The following ZNF618 variants were observed in gnomAD, a reference collection of about 807,000 sequenced individuals.
ZNF618 encodes zinc finger protein 618.
A neutral mutation model predicts 103.0 loss-of-function variants in ZNF618; 34 were observed. That is an observed-to-expected ratio of 0.33 (90% CI 0.25 to 0.44). The LOEUF (loss-of-function observed/expected upper bound fraction) is 0.44. Ranked by LOEUF, ZNF618 falls within the 20% of genes least tolerant of loss-of-function variation. The pLI is 1.00. For synonymous variants in ZNF618, 551 were observed against 542.2 expected (o/e 1.02, Z -0.23); for missense variants, 1,059 against 1,295.4 (o/e 0.82, Z 2.80).
intron 1 of ZNF618, among the ~76,000 whole-genome samples, chr9:113,877,070 A>T (rs1828024778): frequency 6.6e-6 from 1 of 151,882 alleles, no homozygotes; most frequent in African/African-American, 2.4e-5. Context: ...GGGGTAAGAG[A>T]TTCTTTTTTT....
intron 10 of ZNF618, among the ~76,000 whole-genome samples, chr9:114,024,602 G>C (rs1475252769): frequency 6.6e-6 from 1 of 152,206 alleles, no homozygotes; most frequent in East Asian, 1.9e-4. Context: ...CTAAGGCATG[G>C]CCTTTCTGGC....
chr9:113,951,442 C>CATATACGTGTATATATACAT (rs1835643757), intron 1 of ZNF618, among the ~76,000 whole-genome samples: 1 of 49,256 alleles, frequency 2.0e-5, no homozygotes, highest in Non-Finnish European at 4.0e-5. Context: ...TATATATATA[C>CATATACGTGTATATATACAT]ATATATGTGT....
In ZNF618 at chr9:114,028,866, C is replaced by T. The variant is rs753667577; in HGVS notation, c.978C>T (p.Ala326=). 8.4e-6 allele frequency: 13 copies of T among 1,550,624 alleles called. No individual in the cohort carries two copies. In the South Asian group the frequency reaches 1.5e-4, roughly 18 times the overall value. The change falls in exon 11 of 15, where the codon GCC becomes GCT. Residue 326 remains alanine (A), a synonymous_variant. Coordinates refer to ENST00000374126, the MANE Select transcript of ZNF618 (RefSeq NM_001318042.2). Reference sequence around the variant, plus strand: ...ACCAGTCGGGGAAAAAAGCTCCGGCCTCCGTGGTCCGATGTGCCACCCTCT... The same window carrying T: ...ACCAGTCGGGGAAAAAAGCTCCGGCTTCCGTGGTCCGATGTGCCACCCTCT... ...QTNQSGKKAP[A]SVVRCATLLH... is the part of the protein sequence containing the mutation.
intron 1 of ZNF618, among the ~76,000 whole-genome samples, chr9:113,953,118 T>C (rs1030270365): frequency 2.0e-5 from 3 of 152,196 alleles, no homozygotes; most frequent in African/African-American, 4.8e-5. Context: ...AAGATGACTT[T>C]CCCCAAGAGC....
intron 1 of ZNF618, among the ~76,000 whole-genome samples, chr9:113,937,946 T>C (rs1336988103): frequency 6.6e-6 from 1 of 152,156 alleles, no homozygotes; most frequent in African/African-American, 2.4e-5. Flanking sequence ...AAAAAGTGTT[T>C]CAGATTTGTA....
At chr9:113,995,301 TTC>T (rs1186640437) in intron 3 of ZNF618, among the ~76,000 whole-genome samples, 1 of 152,160 alleles carries the variant, frequency 6.6e-6, no homozygotes, top group African/African-American at 2.4e-5. Flanking sequence ...CATTTTTTTT[TTC>T]CAGATTGAGT....
At chr9:114,033,884 C>G (rs1844336734) in intron 12 of ZNF618, among the ~76,000 whole-genome samples, 1 of 152,222 alleles carries the variant, frequency 6.6e-6, no homozygotes, top group Admixed American at 6.5e-5. Flanking sequence ...GAACACATCA[C>G]AACTGTCGGG....
intron 1 of ZNF618, among the ~76,000 whole-genome samples, chr9:113,886,999 T>TTA (rs1829136280): frequency 7.8e-6 from 1 of 128,354 alleles, no homozygotes; most frequent in Non-Finnish European, 1.6e-5. Context: ...TTTTTTTTTT[T>TTA]AACAATGTGG....
intron 3 of ZNF618, among the ~76,000 whole-genome samples, chr9:113,991,900 G>A (rs1311846456): frequency 6.6e-6 from 1 of 152,238 alleles, no homozygotes; most frequent in Non-Finnish European, 1.5e-5. Context: ...TAGCCCTACG[G>A]AAGCAGGGCC....
intron 1 of ZNF618, among the ~76,000 whole-genome samples, chr9:113,880,004 A>G (rs1828366843): frequency 6.6e-6 from 1 of 152,242 alleles, no homozygotes; most frequent in East Asian, 1.9e-4. Flanking sequence ...TAAACAGCCA[A>G]TGGCTTGTTT....
At chr9:113,886,971 C>CTTTTTTTT (rs57000343) in intron 1 of ZNF618, among the ~76,000 whole-genome samples, 2 of 109,518 alleles carry the variant, frequency 1.8e-5, no homozygotes, top group Non-Finnish European at 3.6e-5. Flanking sequence ...TTACTTTCTA[C>CTTTTTTTT]TTTTTTTTTT....
intron 11 of ZNF618, among the ~76,000 whole-genome samples, chr9:114,031,256 C>T (rs1001539723): frequency 6.6e-5 from 10 of 152,096 alleles, no homozygotes; most frequent in African/African-American, 2.4e-4. Flanking sequence ...TTCCCTAGAC[C>T]GAGAACAGAG....
chr9:113,948,336 G>A (rs10759666), intron 1 of ZNF618, among the ~76,000 whole-genome samples: 77,691 of 152,048 alleles, frequency 0.51, 20,525 homozygotes, highest in East Asian at 0.68. Context: ...GTCAGAAGGC[G>A]GAATAGGGCA....
In ZNF618 at chr9:114,032,680, G is replaced by A; in HGVS notation, c.1120G>A (p.Ala374Thr). 6.2e-7 allele frequency: 1 copy of A among 1,614,062 alleles called. No homozygotes were observed. Among genetic ancestry groups the A allele is most frequent in the Non-Finnish European group, 8.5e-7 (1 of 1,179,898 alleles). ...TTTCAGTCGGAGAGTAGAAGGCAAAGCACAAAACCACTTTGAAGAGACGAA... is the reference window on the plus strand; with the variant it reads ...TTTCAGTCGGAGAGTAGAAGGCAAAACACAAAACCACTTTGAAGAGACGAA... ...SAFSRRVEGK[A>T]QNHFEETNSS... Residue 374 changes from alanine to threonine, a missense_variant, in exon 12 of 15, where the codon GCA becomes ACA. Around this residue, in one of 6 missense-constraint regions of ZNF618, gnomAD observed 434 missense variants for 476.0 expected, o/e 0.91. Coordinates refer to ENST00000374126, the MANE Select transcript of ZNF618 (RefSeq NM_001318042.2).
At chr9:113,909,946 G>A (rs1001956406) in intron 1 of ZNF618, among the ~76,000 whole-genome samples, 2 of 151,966 alleles carry the variant, frequency 1.3e-5, no homozygotes, top group African/African-American at 2.4e-5. Context: ...TACTATGCTC[G>A]GCTAATTTTT....
intron 1 of ZNF618, among the ~76,000 whole-genome samples, chr9:113,958,746 G>C (rs1040036712): frequency 2.0e-5 from 3 of 152,144 alleles, no homozygotes; most frequent in African/African-American, 7.2e-5. Context: ...TTTGCTTGCT[G>C]GTCCCTGGGA....
At chr9:114,047,868 C>G in intron 13 of ZNF618, 25 bp from the exon 14 acceptor site, 2 of 1,572,712 alleles carry the variant, frequency 1.3e-6, no homozygotes, top group Non-Finnish European at 1.7e-6. Context: ...TTCCAGGTAA[C>G]ACACTGTCCC....
intron 1 of ZNF618, among the ~76,000 whole-genome samples, chr9:113,916,801 AT>A (rs1356387436): frequency 2.6e-5 from 4 of 152,192 alleles, no homozygotes; most frequent in African/African-American, 9.6e-5. Context: ...TCAGAAAAAC[AT>A]TGCTCTGTCC....
At chr9:113,890,431 TC>T (rs1175932206) in intron 1 of ZNF618, among the ~76,000 whole-genome samples, 1 of 152,218 alleles carries the variant, frequency 6.6e-6, no homozygotes, top group African/African-American at 2.4e-5. Flanking sequence ...ATATTTTTCA[TC>T]ATCAGCAAAT....
Sources: gnomAD v4.1 joint callset for allele counts (sites outside exome capture counted in the v4.1 genomes callset) on GRCh38, gnomAD v4.1.1 for gene constraint, gnomAD v4.1.1 regional missense constraint, MANE v1.5 for transcripts, NCBI Gene and HGNC (gene_info 2026-07-23, HGNC 2026-07-21) for gene names.